NUMA1: variants seen among roughly 807,000 people sequenced by gnomAD.
NUMA1 encodes the protein SP-H antigen.
NUMA1 carries 62 observed loss-of-function variants against 237.1 expected under a neutral mutation model. The ratio of observed to expected loss-of-function variants is 0.26; its 90% CI spans 0.21 to 0.32. The LOEUF (loss-of-function observed/expected upper bound fraction) is 0.32, where lower values mean the gene tolerates loss of function less well. Ranked by LOEUF, NUMA1 falls within the 10% of genes least tolerant of loss-of-function variation. NUMA1 has a pLI of 1.00. For synonymous variants in NUMA1, 1,028 were observed against 1,066.1 expected, an observed-to-expected ratio of 0.96 and a Z score of 0.70; for missense variants, 2,533 against 2,666.5, an observed-to-expected ratio of 0.95 and a Z score of 1.10.
chr11:72,039,742 C>T (rs1941446948), intron 2 of NUMA1: 1 of 152,332 alleles, frequency 6.6e-6, no homozygotes, highest in African/African-American at 2.4e-5. Flanking sequence ...TACCCTGAGA[C>T]GCTGCCTGCC....
chr11:72,006,359 C>G (rs889963027), intron 21 of NUMA1, 96 bp from the exon 22 acceptor site: 1 of 987,304 alleles, frequency 1.0e-6, no homozygotes, highest in African/African-American at 1.6e-5. Flanking sequence ...CACGGCACAT[C>G]CATGTATTCC....
At chr11:72,062,889 A>G (rs1369891130) in intron 2 of NUMA1, among the ~76,000 whole-genome samples, 1 of 152,008 alleles carries the variant, frequency 6.6e-6, no homozygotes, top group Non-Finnish European at 1.5e-5. Context: ...CCTGACCAAC[A>G]TGGAGAAACC....
chr11:72,071,488 C>T (rs777975921), intron 1 of NUMA1, among the ~76,000 whole-genome samples: 2 of 152,170 alleles, frequency 1.3e-5, no homozygotes, highest in Admixed American at 6.5e-5. Flanking sequence ...AGACTAAAGA[C>T]ATGATAGTCA....
Position 72,014,129 on chromosome 11 carries a change from A to G in NUMA1, c.3374T>C (p.Leu1125Pro). ...TEPTGPKLEA[L>P]RAEVSKLEQQ... ...TTCCAGCTTGCTCACCTCTGCCCGC[A>G]GTGCCTCCAGCTTGGGGCCTGTTGG... Residue 1125 changes from leucine to proline, a missense_variant, in exon 15 of 27, where the codon CTG (leucine) becomes CCG (proline). Around this residue, in one of 3 missense-constraint regions of NUMA1, gnomAD observed 1,414 missense variants for 1,508.1 expected, o/e 0.94. Transcript: ENST00000393695. This position sits in a 1 kb window ranked among gnomAD's most constrained non-coding sequence, Gnocchi z 4.6. The G allele has an allele frequency of 2.5e-6, 4 of 1,612,594 alleles. No homozygotes were observed. Among genetic ancestry groups the G allele is most frequent in the South Asian group, 2.2e-5 (2 of 91,084 alleles).
chr11:72,078,132 C>T (rs1279726335), intron 1 of NUMA1, among the ~76,000 whole-genome samples: 1 of 152,186 alleles, frequency 6.6e-6, no homozygotes, highest in Non-Finnish European at 1.5e-5. Context: ...GCCTCAGCCT[C>T]CAGAGTAGTT....
chr11:72,018,759 G>T, intron 10 of NUMA1, 64 bp downstream of exon 10: 1 of 1,552,892 alleles, frequency 6.4e-7, no homozygotes, highest in East Asian at 2.2e-5. Flanking sequence ...GGACAACATG[G>T]GAGGCCAGGG....
At chr11:72,039,415 C>T (rs1449150836) in intron 2 of NUMA1, among the ~76,000 whole-genome samples, 1 of 152,232 alleles carries the variant, frequency 6.6e-6, no homozygotes, top group Non-Finnish European at 1.5e-5. Context: ...TAGCCACTTA[C>T]TGCCCATCAA....
At chr11:72,004,133 A>G (rs546054346) in intron 25 of NUMA1, 34 bp from the exon 26 acceptor site, 2 of 1,611,996 alleles carry the variant, frequency 1.2e-6, no homozygotes, top group African/African-American at 2.7e-5. Context: ...GGGAGACCCA[A>G]TGCTGCCTTC....
chr11:72,033,374 T>G (rs1413246682), intron 3 of NUMA1, among the ~76,000 whole-genome samples: 390 of 3,050 alleles, frequency 0.13, no homozygotes, highest in African/African-American at 0.19. Flanking sequence ...GTTTTTTTTT[T>G]TTTTTTTTTT....
At chr11:72,069,405 T>C (rs1418560411) in intron 2 of NUMA1, among the ~76,000 whole-genome samples, 9 of 152,196 alleles carry the variant, frequency 5.9e-5, no homozygotes. Context: ...CATACTTATG[T>C]ATACAGCTCC....
chr11:72,040,451 C>T (rs563565719), intron 2 of NUMA1, among the ~76,000 whole-genome samples: 244 of 924 alleles, frequency 0.26, 10 homozygotes, highest in Middle Eastern at 0.4. Context: ...CACATACACA[C>T]ACACACACAC....
Position 72,008,761 on chromosome 11 carries a change from T to TAGCCTGGGGCTC in NUMA1, c.5131_5142dup (p.Glu1711_Ala1714dup), listed in dbSNP as rs1955932155. ...TCAATACTCAAGTCCAGCTGGGGCT[T>TAGCCTGGGGCTC]AGCCTGGGGCTCACGGCTCTTTAAA... On this transcript the variant is annotated inframe_insertion, in exon 20 of 27. Coordinates refer to ENST00000393695, the MANE Select transcript of NUMA1 (RefSeq NM_006185.4). 1.2e-6 allele frequency: 2 copies of TAGCCTGGGGCTC among 1,614,142 alleles called. No individual in the cohort carries two copies. Among genetic ancestry groups the TAGCCTGGGGCTC allele is most frequent in the Non-Finnish European group, 1.7e-6 (2 of 1,180,036 alleles).
intron 20 of NUMA1, chr11:72,007,933 C>T: frequency 2.7e-6 from 1 of 370,786 alleles, no homozygotes; most frequent in Admixed American, 3.7e-5. Flanking sequence ...CACCTAGACT[C>T]ATCATGGCAC....
Position 72,004,244 on chromosome 11 carries a change from G to A in NUMA1, c.6104C>T (p.Ala2035Val). The change falls in exon 25 of 27, where the codon GCT becomes GTT. Residue 2035 changes from alanine to valine, a missense_variant. Around this residue, in one of 3 missense-constraint regions of NUMA1, gnomAD observed 795 missense variants for 750.8 expected, o/e 1.06. Transcript: ENST00000393695. ...CCTCACCTGTTTAGTAGAAGCTGGA[G>A]CTGCTTTCTTCTGGGCCTCAGTAGT... The part of the protein sequence containing the change: ...QSTTEAQKKA[A>V]PASTKQADRR... The A allele has an allele frequency of 6.2e-7, 1 of 1,611,772 alleles. No homozygotes were observed. Among genetic ancestry groups the A allele is most frequent in the Non-Finnish European group, 8.5e-7 (1 of 1,179,434 alleles).
At chr11:72,051,475 T>TG (rs1045311593) in intron 2 of NUMA1, among the ~76,000 whole-genome samples, 4 of 151,210 alleles carry the variant, frequency 2.6e-5, no homozygotes, top group African/African-American at 9.7e-5. Flanking sequence ...TCAAAGATTT[T>TG]TTTTTTTTTT....
chr11:72,004,478 C>G, intron 24 of NUMA1, 137 bp from the exon 25 acceptor site: 1 of 1,200,874 alleles, frequency 8.3e-7, no homozygotes, highest in Non-Finnish European at 1.2e-6. Context: ...TGGGCCAGAT[C>G]CTTCCCTTCC....
At chr11:72,021,121 C>G in intron 8 of NUMA1, 83 bp downstream of exon 8, 9 of 1,131,940 alleles carry the variant, frequency 8.0e-6, no homozygotes, top group Non-Finnish European at 1.1e-5. Flanking sequence ...CAGAAACAAA[C>G]CCCCACCATA....
intron 3 of NUMA1, among the ~76,000 whole-genome samples, chr11:72,030,645 T>C (rs79377839): frequency 0.023 from 3,476 of 152,268 alleles, 132 homozygotes; most frequent in African/African-American, 0.08. Context: ...TTTATTACTA[T>C]AGGAAGAAAG....
intron 17 of NUMA1, 112 bp from the exon 18 acceptor site, chr11:72,009,499 G>A: frequency 1.4e-6 from 2 of 1,391,380 alleles, no homozygotes; most frequent in East Asian, 2.4e-5. Flanking sequence ...ACTTTCTTAG[G>A]AAGCGGAAGA....
Sources: allele counts gnomAD v4.1 joint callset (sites outside exome capture counted in the v4.1 genomes callset), GRCh38; gene constraint gnomAD v4.1.1; regional missense constraint gnomAD v4.1.1; non-coding constraint Gnocchi (gnomAD v3.1); transcripts MANE v1.5; gene names NCBI Gene and HGNC (gene_info 2026-07-23, HGNC 2026-07-21).